Variants in PPP1R13L observed in about 807,000 individuals in gnomAD.
PPP1R13L encodes the protein protein phosphatase 1 regulatory subunit 13 like.
PPP1R13L carries 50 observed loss-of-function variants against 80.9 expected under a neutral mutation model. The ratio of observed to expected loss-of-function variants is 0.62; its 90% confidence interval spans 0.49 to 0.78. The LOEUF is 0.78. Among genes scored for constraint, PPP1R13L ranks in the 30% least tolerant of loss-of-function variants. The probability of loss-of-function intolerance (pLI) is 0.00; values close to 1 mark genes in which losing one functional copy is unlikely to be tolerated. For missense variants in PPP1R13L, 1,200 were observed against 1,205.9 expected (o/e 1.00, Z 0.07); for synonymous variants, 602 against 534.3 (o/e 1.13, Z -1.75).
chr19:45,382,490 T>A, intron 12 of PPP1R13L, 37 bp downstream of exon 12: 1 of 1,591,860 alleles, frequency 6.3e-7, no homozygotes, highest in African/African-American at 1.3e-5. Flanking sequence ...AACCCCCAAC[T>A]GTCGGGAGGT....
At chr19:45,405,140 G>T, upstream of PPP1R13L, 1 of 706,844 alleles carries the variant, frequency 1.4e-6, no homozygotes, top group Non-Finnish European at 1.7e-6. Flanking sequence ...CGGTGGGGAG[G>T]GGGAGCCAAG....
At position 45,385,737 on chromosome 19, in the gene PPP1R13L, G is replaced by C. The variant is rs1451002531; in HGVS notation, c.2082-9C>G. On this transcript the variant is annotated splice_polypyrimidine_tract_variant and intron_variant, in intron 10 of 12. Transcript: ENST00000360957. ...CGCAGTGCAAGGGTGTCCTAGGCGT[G>C]GGGGTGGGGGGTTGCGGGGAACGAT... 6.2e-7 allele frequency: 1 copy of C among 1,606,238 alleles called. No individual in the cohort carries two copies. Among genetic ancestry groups the C allele is most frequent in the East Asian group, 2.2e-5 (1 of 44,750 alleles).
chr19:45,405,746 G>A (rs1388485101), upstream of PPP1R13L, among the ~76,000 whole-genome samples: 3 of 152,214 alleles, frequency 2.0e-5, no homozygotes, highest in Non-Finnish European at 4.4e-5. Context: ...GGCAGAGGGG[G>A]CGGGAAGTGG....
rs560761915 is a variant in PPP1R13L at position 45,400,465 on chromosome 19, C to T, written c.-21-2126G>A. Among the ~76,000 whole-genome samples the T allele has an allele frequency of 2.0e-5, 3 of 152,050 alleles. No homozygotes were observed. The East Asian group carries it at 5.8e-4, about 29-fold the overall frequency. ...GGGGCATGCTGATACCCGCCTCTGT[C>T]TGGGAAGTCGAAGGAACAGAACCTG... On this transcript the variant is annotated intron_variant, in intron 1 of 12. Transcript: ENST00000360957.
chr19:45,395,574 G>A lies in PPP1R13L; in HGVS notation c.1216C>T (p.Leu406=), dbSNP rs2123381359. ...GGCTGTGGTTGTGGTTGGGGCTGCA[G>A]CTTAGGCGGGGGTGCTCGGGTGAAG... ...PLFTRAPPPK[L]QPQPQPQPQP... The change falls in exon 7 of 13, where the codon CTG becomes TTG. Residue 406 remains leucine, a synonymous_variant. Coordinates refer to ENST00000360957, the MANE Select transcript of PPP1R13L (RefSeq NM_006663.4). 6.8e-7 allele frequency: 1 copy of A among 1,479,262 alleles called. No homozygotes were observed. Among genetic ancestry groups the A allele is most frequent in the Admixed American group, 2.2e-5 (1 of 44,956 alleles). 91.6% of individuals were successfully genotyped at this position (1,479,262 alleles called of 1,614,324 possible). A position where few individuals can be genotyped will look rare whatever the true frequency, so the allele number is the denominator to read the frequency against.
intron 8 of PPP1R13L, among the ~76,000 whole-genome samples, chr19:45,387,161 G>A (rs553233679): frequency 1.3e-5 from 2 of 151,866 alleles, no homozygotes; most frequent in Non-Finnish European, 2.9e-5. Flanking sequence ...CCAGCTACTT[G>A]GGAGGCTGAG....
At position 45,385,617 on chromosome 19, in the gene PPP1R13L, G is replaced by A. The variant is rs769470483; in HGVS notation, c.2193C>T (p.Phe731=). The change falls in exon 11 of 13, where the codon TTC becomes TTT. Residue 731 remains phenylalanine (F), a synonymous_variant. Transcript: ENST00000360957. The part of the protein sequence containing the change: ...ATTLSDGATA[F]EKCDPYREGY... Reference sequence around the variant, plus strand: ...CCTCGCGGTAAGGGTCGCACTTCTCGAAGGCGGTGGCGCCGTCGCTGAGCG... The same window carrying A: ...CCTCGCGGTAAGGGTCGCACTTCTCAAAGGCGGTGGCGCCGTCGCTGAGCG... 1.2e-6 allele frequency: 2 copies of A among 1,613,192 alleles called. No individual in the cohort carries two copies. Among genetic ancestry groups the A allele is most frequent in the African/African-American group, 1.3e-5 (1 of 75,066 alleles).
At position 45,379,948 on chromosome 19, in the gene PPP1R13L, G is replaced by A. The variant is rs35812347; in HGVS notation, c.*242C>T. 2.5e-3 allele frequency: 1,074 copies of A among 427,802 alleles called. 16 individuals carry two copies. The highest frequency in any genetic ancestry group is 0.02 in the African/African-American group (960 of 49,224). The allele number at this position is 427,802 out of a possible 1,614,324, so 26.5% of individuals were successfully genotyped here. ...GGATCTGATTTGGCAAAAGGAAGTG[G>A]TTTCCTGTCCCCAGTGATTTCCAGC... is the stretch of plus-strand genomic sequence containing the variant. On this transcript the variant is annotated 3_prime_UTR_variant, in exon 13 of 13. Coordinates refer to ENST00000360957, the MANE Select transcript of PPP1R13L (RefSeq NM_006663.4).
At position 45,392,263 on chromosome 19, in the gene PPP1R13L, C is replaced by A. The variant is rs141585259; in HGVS notation, c.1432G>T (p.Asp478Tyr). The change falls in exon 8 of 13, where the codon GAT (aspartate) becomes TAT (tyrosine). Residue 478 changes from aspartate (D) to tyrosine (Y), a missense_variant. This residue lies in a region of PPP1R13L where 764 missense variants were observed against 714.5 expected (regional missense o/e 1.07). Transcript: ENST00000360957. ...GLLTPVLEAG[D>Y]VDEGPVARPL... Reference sequence around the variant, plus strand: ...CTTGCTACAGGGCCTTCATCCACATCGCCAGCCTCCAGCACTGGTGTCAGC... The same window carrying A: ...CTTGCTACAGGGCCTTCATCCACATAGCCAGCCTCCAGCACTGGTGTCAGC... 4 of 1,613,342 alleles carry A rather than the reference C, an allele frequency of 2.5e-6. No individual in the cohort carries two copies. The highest frequency in any genetic ancestry group is 1.7e-4 in the Middle Eastern group (1 of 6,060).
chr19:45,390,932 T>G (rs1473562305), intron 8 of PPP1R13L, among the ~76,000 whole-genome samples: 1 of 151,998 alleles, frequency 6.6e-6, no homozygotes, highest in African/African-American at 2.4e-5. Context: ...GAACAGTGGC[T>G]CATGCCTCTA....
At chr19:45,394,621 C>G (rs1283157016) in intron 7 of PPP1R13L, 17 of 139,100 alleles carry the variant, frequency 1.2e-4, no homozygotes, top group Admixed American at 1.0e-3. Flanking sequence ...AGCCACCATG[C>G]CCAGCTAATT....
At chr19:45,391,097 C>T (rs1230578524) in intron 8 of PPP1R13L, among the ~76,000 whole-genome samples, 1 of 151,800 alleles carries the variant, frequency 6.6e-6, no homozygotes, top group Non-Finnish European at 1.5e-5. Context: ...ACTTGGGAAG[C>T]TAAAGCGGGA....
intron 1 of PPP1R13L, among the ~76,000 whole-genome samples, chr19:45,400,106 T>C (rs754654362): frequency 6.6e-6 from 1 of 151,912 alleles, no homozygotes; most frequent in Non-Finnish European, 1.5e-5. Context: ...TCGGTAGTAA[T>C]CGGTTTCACA....
At chr19:45,395,968 A>T in intron 6 of PPP1R13L, 82 bp from the exon 7 acceptor site, 1 of 1,363,874 alleles carries the variant, frequency 7.3e-7, no homozygotes, top group Non-Finnish European at 1.0e-6. Context: ...GAGAAGGGAG[A>T]GGAGGTGAGG....
upstream of PPP1R13L, among the ~76,000 whole-genome samples, chr19:45,406,055 G>T (rs1215059983): frequency 6.6e-6 from 1 of 152,164 alleles, no homozygotes; most frequent in African/African-American, 2.4e-5. This position sits in a 1 kb window ranked among gnomAD's most constrained non-coding sequence, Gnocchi z 4.2. Context: ...ACGCGTGTGG[G>T]GCTCCTGGGT....
intron 8 of PPP1R13L, among the ~76,000 whole-genome samples, chr19:45,390,463 T>G (rs1339462308): frequency 6.6e-6 from 1 of 152,118 alleles, no homozygotes; most frequent in Admixed American, 6.6e-5. Context: ...TTCCAGACAT[T>G]GTATGAGAAA....
intron 8 of PPP1R13L, among the ~76,000 whole-genome samples, chr19:45,388,041 C>T (rs1043258542): frequency 6.6e-6 from 1 of 151,752 alleles, no homozygotes; most frequent in East Asian, 2.0e-4. Flanking sequence ...TGGTGGTGCA[C>T]GCCTGTAATC....
rs1415710875 is a variant in PPP1R13L, at chr19:45,385,993, G to A, written c.1948-36C>T. ...CGGGGGAGGGGGAAGACTCAGTCCC[G>A]CGGCTGGCATCTGCGATGCCCCCGC... is the stretch of plus-strand genomic sequence containing the variant. On this transcript the variant is annotated intron_variant, in intron 9 of 12. Transcript: ENST00000360957. The A allele has an allele frequency of 3.8e-6, 6 of 1,578,252 alleles. No individual in the cohort carries two copies. The South Asian group carries it at 4.6e-5, about 12-fold the overall frequency.
intron 3 of PPP1R13L, 118 bp downstream of exon 3, chr19:45,397,887 C>T: frequency 7.4e-7 from 1 of 1,355,572 alleles, no homozygotes; most frequent in Non-Finnish European, 9.8e-7. Context: ...TTTCAAGTTC[C>T]CTTGAAGAGC....
Sources: gnomAD v4.1 joint callset for allele counts (sites outside exome capture counted in the v4.1 genomes callset) on GRCh38, gnomAD v4.1.1 for gene constraint, gnomAD v4.1.1 regional missense constraint, Gnocchi (gnomAD v3.1) non-coding constraint, MANE v1.5 for transcripts, NCBI Gene and HGNC (gene_info 2026-07-23, HGNC 2026-07-21) for gene names.